Variants in ZC3H12B observed in about 807,000 individuals in gnomAD.
The protein encoded by ZC3H12B is zinc finger CCCH-type containing 12B.
Under a neutral mutation model 43.9 loss-of-function variants are expected in ZC3H12B, and 7 were observed. That is an observed-to-expected ratio of 0.16 (90% CI 0.09 to 0.30). The LOEUF (loss-of-function observed/expected upper bound fraction) is 0.30. Among genes scored for constraint, ZC3H12B ranks in the 10% least tolerant of loss-of-function variants. ZC3H12B has a pLI of 1.00. For missense variants in ZC3H12B, 475 were observed against 670.2 expected (o/e 0.71, Z 3.22); for synonymous variants, 222 against 241.7 (o/e 0.92, Z 0.76).
chrX:65,237,652 G>A, the ZC3H12B span, among the ~76,000 whole-genome samples: 1 of 110,329 alleles, frequency 9.1e-6, no homozygotes, highest in South Asian at 3.9e-4. Context: ...GTTTTTAAGG[G>A]GAATGCATTT....
chrX:65,045,449 C>T, the ZC3H12B span, among the ~76,000 whole-genome samples: 2 of 111,981 alleles, frequency 1.8e-5, no homozygotes. Flanking sequence ...GCAGTAGATT[C>T]CATCTCAAGG....
chrX:65,365,406 C>T (rs934057527), upstream of ZC3H12B, among the ~76,000 whole-genome samples: 8 of 110,764 alleles, frequency 7.2e-5, no homozygotes, highest in Admixed American at 9.6e-5. Context: ...CATACAAAAC[C>T]GCATCCAGGC....
exon 5 of ZC3H12B, chrX:65,502,569 G>A (rs1486984540): frequency 8.3e-7 from 1 of 1,210,523 alleles, no homozygotes; most frequent in Non-Finnish European, 1.1e-6. Flanking sequence ...TCCCAGAACC[G>A]ACTTCAGCCT....
chrX:65,160,845 G>A, the ZC3H12B span, among the ~76,000 whole-genome samples: 2 of 110,886 alleles, frequency 1.8e-5, no homozygotes, highest in African/African-American at 6.5e-5. Flanking sequence ...TCTTTTAATT[G>A]TGATGTTAAA....
the ZC3H12B span, among the ~76,000 whole-genome samples, chrX:65,319,810 TA>T: frequency 5.4e-5 from 6 of 110,336 alleles, no homozygotes; most frequent in Non-Finnish European, 9.5e-5. Context: ...TAAACAGAAC[TA>T]AAAAAAACAC....
intron 3 of ZC3H12B, among the ~76,000 whole-genome samples, chrX:65,451,499 CTTTATT>C (rs1322946252): frequency 1.8e-5 from 2 of 110,212 alleles, no homozygotes; most frequent in East Asian, 2.8e-4. Context: ...TTTATTTTTT[CTTTATT>C]TTTATTTTTA....
At chrX:65,330,985 G>A in the ZC3H12B span, 2 of 325,609 alleles carry the variant, frequency 6.1e-6, no homozygotes, top group Non-Finnish European at 1.2e-5. Flanking sequence ...CTTTCCCTCT[G>A]CATATTGTTC....
At chrX:65,233,398 C>A in the ZC3H12B span, among the ~76,000 whole-genome samples, 2 of 111,126 alleles carry the variant, frequency 1.8e-5, no homozygotes, top group Non-Finnish European at 3.8e-5. Context: ...TATTAAATAT[C>A]TTTTGTGACT....
At chrX:65,375,563 G>A (rs914765495) in intron 2 of ZC3H12B, among the ~76,000 whole-genome samples, 2 of 112,024 alleles carry the variant, frequency 1.8e-5, no homozygotes, top group Admixed American at 1.9e-4. Context: ...TGAGAGGGAA[G>A]AGTAAAGAGG....
chrX:65,493,934 G>A (rs1195593115), intron 1 of ZC3H12B, among the ~76,000 whole-genome samples: 2 of 111,135 alleles, frequency 1.8e-5, no homozygotes, highest in African/African-American at 6.6e-5. Flanking sequence ...TGGCTGTTGT[G>A]TAGGTACTCA....
the ZC3H12B span, among the ~76,000 whole-genome samples, chrX:65,216,993 C>T: frequency 5.2e-4 from 58 of 111,522 alleles, no homozygotes; most frequent in African/African-American, 1.9e-3. Flanking sequence ...CCCTACTGGG[C>T]TGGTCCAGGA....
the ZC3H12B span, among the ~76,000 whole-genome samples, chrX:65,324,387 G>T: frequency 9.0e-6 from 1 of 110,961 alleles, no homozygotes; most frequent in Non-Finnish European, 1.9e-5. Context: ...TTCCATTGAG[G>T]CATAATGTTA....
chrX:65,477,037 T>G (rs747525073), intron 3 of ZC3H12B, among the ~76,000 whole-genome samples: 1 of 105,377 alleles, frequency 9.5e-6, no homozygotes, highest in African/African-American at 3.5e-5. Flanking sequence ...TTTCACCATG[T>G]TGGTCAGGCT....
chrX:65,229,146 AC>A, the ZC3H12B span, among the ~76,000 whole-genome samples: 1 of 110,906 alleles, frequency 9.0e-6, no homozygotes, highest in Non-Finnish European at 1.9e-5. Context: ...CTACAAGGCT[AC>A]AGTAACCAAA....
the ZC3H12B span, among the ~76,000 whole-genome samples, chrX:65,327,177 T>A: frequency 1.8e-5 from 2 of 111,351 alleles, no homozygotes; most frequent in African/African-American, 6.5e-5. Flanking sequence ...TGCAGCACTG[T>A]TCACAATAGC....
At chrX:65,265,862 C>T in the ZC3H12B span, among the ~76,000 whole-genome samples, 2 of 111,490 alleles carry the variant, frequency 1.8e-5, no homozygotes, top group Non-Finnish European at 3.8e-5. Flanking sequence ...ATTGGACAAC[C>T]AGCAGCACAA....
chrX:65,352,448 C>A, the ZC3H12B span, among the ~76,000 whole-genome samples: 1 of 92,961 alleles, frequency 1.1e-5, no homozygotes, highest in Non-Finnish European at 2.1e-5. Flanking sequence ...ACACGTATCC[C>A]AGAACTTAAA....
chrX:65,090,822 A>G, the ZC3H12B span, among the ~76,000 whole-genome samples: 2 of 111,429 alleles, frequency 1.8e-5, no homozygotes, highest in Non-Finnish European at 3.8e-5. Context: ...AAGTGATTGG[A>G]TCATGGAAGC....
the ZC3H12B span, among the ~76,000 whole-genome samples, chrX:65,155,723 G>A: frequency 9.0e-6 from 1 of 110,808 alleles, no homozygotes; most frequent in Non-Finnish European, 1.9e-5. Flanking sequence ...AGCCAGGCGT[G>A]GTGGCAGGTG....
Sources: allele counts gnomAD v4.1 joint callset (sites outside exome capture counted in the v4.1 genomes callset), GRCh38; gene constraint gnomAD v4.1.1; transcripts MANE v1.5; gene names NCBI Gene and HGNC (gene_info 2026-07-23, HGNC 2026-07-21).